NUFIP2: variants seen among roughly 807,000 people sequenced by gnomAD.
The protein encoded by NUFIP2 is FMR1-interacting protein NUFIP2.
NUFIP2 carries 6 observed loss-of-function variants against 56.9 expected under a neutral mutation model. That is an observed-to-expected ratio of 0.11 (90% CI 0.06 to 0.21). NUFIP2 has a LOEUF of 0.21. Among genes scored for constraint, NUFIP2 ranks in the 10% least tolerant of loss-of-function variants. NUFIP2 has a pLI of 1.00. For missense variants in NUFIP2, 828 were observed against 826.8 expected (o/e 1.00, Z -0.02); for synonymous variants, 321 against 298.2 (o/e 1.08, Z -0.79).
Position 29,286,791 on chromosome 17 carries a change from G to A in NUFIP2, c.1203C>T (p.Val401=), listed in dbSNP as rs1391402487. The A allele has an allele frequency of 5.6e-6, 9 of 1,614,154 alleles. No homozygotes were observed. In the East Asian group the frequency reaches 1.6e-4, roughly 28 times the overall value. Reference sequence around the variant, plus strand: ...TAACAGATTTCAGCGCTGACATAGGGACCTGGGATAAGCGACTTGATGATT... The same window carrying A: ...TAACAGATTTCAGCGCTGACATAGGAACCTGGGATAAGCGACTTGATGATT... ...QTQSSSRLSQ[V]PMSALKSVTS... Residue 401 remains valine, a synonymous_variant, in exon 2 of 4, where the codon GTC becomes GTT. Transcript: ENST00000225388.
At chr17:29,265,744 A>G (rs1325665411) in intron 3 of NUFIP2, among the ~76,000 whole-genome samples, 1 of 146,556 alleles carries the variant, frequency 6.8e-6, no homozygotes, top group East Asian at 2.0e-4. Flanking sequence ...AGTCAATACA[A>G]CTGGTCACCC....
intron 2 of NUFIP2, among the ~76,000 whole-genome samples, chr17:29,273,405 CAG>C (rs2069087984): frequency 2.0e-5 from 3 of 151,862 alleles, no homozygotes; most frequent in Admixed American, 6.6e-5. Context: ...CTCCTGACCT[CAG>C]GTGATCCACC....
At chr17:29,267,559 T>G (rs1042939922) in intron 2 of NUFIP2, 29 bp from the exon 3 acceptor site, 3 of 1,436,524 alleles carry the variant, frequency 2.1e-6, no homozygotes, top group Non-Finnish European at 2.9e-6. Flanking sequence ...AATTACATAC[T>G]AAGTTTTGGT....
chr17:29,293,737 T>C, intron 1 of NUFIP2, 46 bp downstream of exon 1: 1 of 1,172,442 alleles, frequency 8.5e-7, no homozygotes, highest in Non-Finnish European at 1.2e-6. Flanking sequence ...ATCTCTCCTG[T>C]CCTCCACCCC....
At position 29,286,203 on chromosome 17, in the gene NUFIP2, A is replaced by C; in HGVS notation, c.1791T>G (p.His597Gln). Residue 597 changes from histidine (H) to glutamine (Q), a missense_variant, in exon 2 of 4, where the codon CAT (histidine) becomes CAG (glutamine). This residue lies in a region of NUFIP2 where 404 missense variants were observed against 380.3 expected (regional missense o/e 1.06). Coordinates refer to ENST00000225388, the MANE Select transcript of NUFIP2 (RefSeq NM_020772.3). ...TGTCTGCTTTCTGCAGGTCACCTATATGACTGGGTTCCAAGGATAAGGCTC... is the reference window on the plus strand; with the variant it reads ...TGTCTGCTTTCTGCAGGTCACCTATCTGACTGGGTTCCAAGGATAAGGCTC... ...ESGALSLEPS[H>Q]IGDLQKADTS... The C allele has an allele frequency of 6.2e-7, 1 of 1,614,074 alleles. No homozygotes were observed. The highest frequency in any genetic ancestry group is 8.5e-7 in the Non-Finnish European group (1 of 1,179,960).
chr17:29,293,345 G>C (rs1432429065), intron 1 of NUFIP2, among the ~76,000 whole-genome samples: 1 of 151,948 alleles, frequency 6.6e-6, no homozygotes, highest in Non-Finnish European at 1.5e-5. Flanking sequence ...CCTGCAAAAG[G>C]GTCTCGCGAC....
chr17:29,277,138 C>T (rs775337976), intron 2 of NUFIP2, among the ~76,000 whole-genome samples: 4 of 152,134 alleles, frequency 2.6e-5, no homozygotes, highest in Non-Finnish European at 5.9e-5. Context: ...GATTCTCCTG[C>T]CTAAGCCTCC....
rs1266566218 is a variant in NUFIP2 at position 29,263,268 on chromosome 17, A to G, written c.*1271T>C. ...AGTGCAACAGGATGGCAATGTAATG[A>G]TAAGACAGGGCTAATGCTCTTCTCT... On this transcript the variant is annotated 3_prime_UTR_variant, in exon 4 of 4. Coordinates refer to ENST00000225388, the MANE Select transcript of NUFIP2 (RefSeq NM_020772.3). The G allele has an allele frequency of 2.0e-5, 3 of 152,626 alleles. No individual in the cohort carries two copies. Among genetic ancestry groups the G allele is most frequent in the Non-Finnish European group, 4.4e-5 (3 of 68,032 alleles). The allele number at this position is 152,626 out of a possible 1,614,324, so 9.5% of individuals were successfully genotyped here.
At chr17:29,265,629 T>A (rs2153010716) in intron 3 of NUFIP2, among the ~76,000 whole-genome samples, 1 of 147,070 alleles carries the variant, frequency 6.8e-6, no homozygotes, top group South Asian at 2.1e-4. Context: ...ATATATTATT[T>A]TATTATATAT....
Position 29,260,029 on chromosome 17 carries a change from A to C in NUFIP2, c.*4510T>G, listed in dbSNP as rs1027069204. On this transcript the variant is annotated 3_prime_UTR_variant, in exon 4 of 4. Coordinates refer to ENST00000225388, the MANE Select transcript of NUFIP2 (RefSeq NM_020772.3). ...AAGCCCACCCTTTTCACCATGAAAG[A>C]ATCTTGGTGCTCTGTTGATTAATTA... The C allele has an allele frequency of 2.0e-5, 3 of 152,230 alleles. No homozygotes were observed. The highest frequency in any genetic ancestry group is 7.2e-5 in the African/African-American group (3 of 41,456). 9.4% of individuals were successfully genotyped at this position (152,230 alleles called of 1,614,324 possible).
At position 29,286,653 on chromosome 17, in the gene NUFIP2, A is replaced by G; in HGVS notation, c.1341T>C (p.Ser447=). Reference sequence around the variant, plus strand: ...CCTGGAGAACTGAATCTGTCCCAGAAGAGATGGGTGTTAGAGTATTAGCAG... The same window carrying G: ...CCTGGAGAACTGAATCTGTCCCAGAGGAGATGGGTGTTAGAGTATTAGCAG... ...TTAANTLTPI[S]SGTDSVLQDM... is the part of the protein sequence containing the mutation. The change falls in exon 2 of 4, where the codon TCT becomes TCC. Residue 447 remains serine, a synonymous_variant. Transcript: ENST00000225388. 6.2e-7 allele frequency: 1 copy of G among 1,614,192 alleles called. No individual in the cohort carries two copies. Among genetic ancestry groups the G allele is most frequent in the Non-Finnish European group, 8.5e-7 (1 of 1,180,024 alleles).
In NUFIP2 at chr17:29,286,979, G is replaced by A. The variant is rs1452875570; in HGVS notation, c.1015C>T (p.Pro339Ser). Residue 339 changes from proline to serine, a missense_variant, in exon 2 of 4, where the codon CCA (proline) becomes TCA (serine). This residue lies in a region of NUFIP2 where 9 missense variants were observed against 37.8 expected (regional missense o/e 0.24). Coordinates refer to ENST00000225388, the MANE Select transcript of NUFIP2 (RefSeq NM_020772.3). ...SKEDSWTLFK[P>S]PPVFPVDNSS... ...TTGTCCACTGGAAAAACTGGGGGTG[G>A]TTTAAATAGGGTCCACGAGTCCTCT... is the stretch of plus-strand genomic sequence containing the variant. 6.2e-7 allele frequency: 1 copy of A among 1,614,052 alleles called. No individual in the cohort carries two copies. Among genetic ancestry groups the A allele is most frequent in the African/African-American group, 1.3e-5 (1 of 74,916 alleles).
At position 29,262,692 on chromosome 17, in the gene NUFIP2, A is replaced by G. The variant is rs1342085728; in HGVS notation, c.*1847T>C. 1 of 151,420 alleles carries G rather than the reference A, an allele frequency of 6.6e-6. No individual in the cohort carries two copies. The highest frequency in any genetic ancestry group is 2.4e-5 in the African/African-American group (1 of 41,266). The allele number at this position is 151,420 out of a possible 1,614,324, so 9.4% of individuals were successfully genotyped here. The stretch of plus-strand genomic sequence containing the variant: ...TGAAACTATCTGGAACTGGCCTACC[A>G]CAAGTTTCTGAACCTGGACTGATAC... On this transcript the variant is annotated 3_prime_UTR_variant, in exon 4 of 4. Coordinates refer to ENST00000225388, the MANE Select transcript of NUFIP2 (RefSeq NM_020772.3).
chr17:29,266,510 A>C (rs1237414979), intron 3 of NUFIP2, among the ~76,000 whole-genome samples: 4 of 151,966 alleles, frequency 2.6e-5, no homozygotes, highest in Admixed American at 1.3e-4. Context: ...CACTTACATT[A>C]ATTAGCAAAG....
Position 29,294,122 on chromosome 17 carries a change from G to C in NUFIP2, c.-63C>G. On this transcript the variant is annotated 5_prime_UTR_variant, in exon 1 of 4. Coordinates refer to ENST00000225388, the MANE Select transcript of NUFIP2 (RefSeq NM_020772.3). ...TGCTGCACCGTCAGGATCTGAGACT[G>C]CTTCTCAGGGCTCACTCAGTATATC... 1 of 1,529,110 alleles carries C rather than the reference G, an allele frequency of 6.5e-7. No individual in the cohort carries two copies. The highest frequency in any genetic ancestry group is 8.8e-7 in the Non-Finnish European group (1 of 1,138,392). 94.7% of individuals were successfully genotyped at this position (1,529,110 alleles called of 1,614,324 possible).
intron 1 of NUFIP2, among the ~76,000 whole-genome samples, chr17:29,292,612 C>A (rs1026154596): frequency 6.6e-6 from 1 of 150,378 alleles, no homozygotes; most frequent in African/African-American, 2.4e-5. Flanking sequence ...CGCCGCCCCC[C>A]CAGGCCTCCT....
intron 1 of NUFIP2, 32 bp downstream of exon 1, chr17:29,293,751 C>T (rs548702033): frequency 8.1e-6 from 8 of 985,148 alleles, no homozygotes; most frequent in African/African-American, 3.3e-5. Flanking sequence ...CCACCCCCAA[C>T]CCCCTTCCCC....
rs2069020142 is a variant in NUFIP2 at position 29,264,152 on chromosome 17, T to A, written c.*387A>T. 1 of 152,676 alleles carries A rather than the reference T, an allele frequency of 6.5e-6. No homozygotes were observed. The highest frequency in any genetic ancestry group is 1.5e-5 in the Non-Finnish European group (1 of 68,132). 9.5% of individuals were successfully genotyped at this position (152,676 alleles called of 1,614,324 possible). ...GAGATCTTTTAAGTGGATTTGCCTT[T>A]CCAGTGGGTCATTTGTTGCCCAAGT... On this transcript the variant is annotated 3_prime_UTR_variant, in exon 4 of 4. Coordinates refer to ENST00000225388, the MANE Select transcript of NUFIP2 (RefSeq NM_020772.3).
chr17:29,277,139 C>T (rs973666609), intron 2 of NUFIP2, among the ~76,000 whole-genome samples: 2 of 152,152 alleles, frequency 1.3e-5, no homozygotes, highest in Admixed American at 6.5e-5. Flanking sequence ...ATTCTCCTGC[C>T]TAAGCCTCCG....
Sources: allele counts gnomAD v4.1 joint callset (sites outside exome capture counted in the v4.1 genomes callset), GRCh38; gene constraint gnomAD v4.1.1; regional missense constraint gnomAD v4.1.1; transcripts MANE v1.5; gene names NCBI Gene and HGNC (gene_info 2026-07-23, HGNC 2026-07-21).